Variants in LRRC45 observed in about 807,000 individuals in gnomAD.
The protein encoded by LRRC45 is leucine rich repeat containing 45.
Under a neutral mutation model 85.4 loss-of-function variants are expected in LRRC45, and 73 were observed. The ratio of observed to expected loss-of-function variants is 0.85; its 90% CI spans 0.71 to 1.04. LRRC45 has a LOEUF of 1.04. Among genes scored for constraint, LRRC45 ranks in the 50% least tolerant of loss-of-function variants. The pLI is 0.00. For missense variants in LRRC45, 937 were observed against 883.3 expected (o/e 1.06, Z -0.77); for synonymous variants, 429 against 386.0 (o/e 1.11, Z -1.31).
chr17:82,024,375 C>T (rs773811663), intron 2 of LRRC45, 36 bp downstream of exon 2: 2 of 1,609,276 alleles, frequency 1.2e-6, no homozygotes, highest in African/African-American at 2.7e-5. Context: ...CCGAGTGTGC[C>T]ACCCAAGGGC....
rs749733717 is a variant in LRRC45 at position 82,028,354 on chromosome 17, G to C, written c.1125+43G>C. 3.7e-6 allele frequency: 6 copies of C among 1,607,394 alleles called. No individual in the cohort carries two copies. In the East Asian group the frequency reaches 1.3e-4, roughly 36 times the overall value. On this transcript the variant is annotated intron_variant, in intron 10 of 16. Transcript: ENST00000306688. Reference sequence around the variant, plus strand: ...AGCCAGGGAGCCCAGGGTGGGCGCGGCAGGGCTGGGCTGCAGCTTCCCTCC... The same window carrying C: ...AGCCAGGGAGCCCAGGGTGGGCGCGCCAGGGCTGGGCTGCAGCTTCCCTCC...
In LRRC45 at chr17:82,029,723, T is replaced by G. The variant is rs556011878; in HGVS notation, c.1494+88T>G. ...GCAGACTCCAGAGCTTCGGTCTGAG[T>G]GGGGAGGCGGGAGTGTGGTGTTGAG... On this transcript the variant is annotated intron_variant, in intron 14 of 16. Transcript: ENST00000306688. 2.3e-6 allele frequency: 3 copies of G among 1,309,190 alleles called. No individual in the cohort carries two copies. The African/African-American group carries it at 4.4e-5, about 19-fold the overall frequency. 81.1% of individuals were successfully genotyped at this position (1,309,190 alleles called of 1,614,324 possible). A position where few individuals can be genotyped will look rare whatever the true frequency, so the allele number is the denominator to read the frequency against.
At chr17:82,029,947 G>A (rs2043402942) in intron 14 of LRRC45, 118 bp from the exon 15 acceptor site, 2 of 1,305,246 alleles carry the variant, frequency 1.5e-6, no homozygotes, top group Non-Finnish European at 2.0e-6. Context: ...CGGGTTCAGA[G>A]TCATAGTAAC....
At chr17:82,025,315 C>G (rs998524144) in intron 4 of LRRC45, 64 bp from the exon 5 acceptor site, 1 of 1,530,916 alleles carries the variant, frequency 6.5e-7, no homozygotes, top group South Asian at 1.3e-5. Flanking sequence ...GGGAAGCACC[C>G]CGGCCAGGCC....
Position 82,024,713 on chromosome 17 carries a change from AG to A in LRRC45, c.307del (p.Ala103ProfsTer64). The A allele has an allele frequency of 6.3e-7, 1 of 1,575,310 alleles. No homozygotes were observed. Among genetic ancestry groups the A allele is most frequent in the Non-Finnish European group, 8.6e-7 (1 of 1,164,474 alleles). Reference protein sequence around the residue: ...DLKGNNLRAAGAEALGKLLQQ... With the variant: ...DLKGNNLRAAXAEALGKLLQQ... Reference sequence around the variant, plus strand: ...CCTAGGGCAACAACCTTCGGGCTGCAGGGGCCGAGGCTCTGGGAAAACTCCT... The same window carrying A: ...CCTAGGGCAACAACCTTCGGGCTGCAGGGCCGAGGCTCTGGGAAAACTCCT... On this transcript the variant is annotated frameshift_variant, in exon 3 of 17. Coordinates refer to ENST00000306688, the MANE Select transcript of LRRC45 (RefSeq NM_144999.4). LOFTEE classifies it high-confidence loss of function.
intron 7 of LRRC45, 100 bp downstream of exon 7, chr17:82,027,544 G>C (rs2043379418): frequency 1.3e-6 from 2 of 1,552,108 alleles, no homozygotes; most frequent in Non-Finnish European, 1.8e-6. Context: ...AGGCCACGAG[G>C]AGGTCGCTGG....
In LRRC45 at chr17:82,029,586, A is replaced by G. The variant is rs1188690465; in HGVS notation, c.1445A>G (p.Gln482Arg). 20 of 1,581,020 alleles carry G rather than the reference A, an allele frequency of 1.3e-5. No individual in the cohort carries two copies. Among genetic ancestry groups the G allele is most frequent in the Non-Finnish European group, 1.6e-5 (19 of 1,165,064 alleles). ...VKAAALSERG[Q>R]AEEELIKAKS... ...GCAGCGGCACTCAGCGAGCGTGGCC[A>G]GGCTGAGGAGGAGCTGATCAAGGCC... The change falls in exon 14 of 17, where the codon CAG (glutamine) becomes CGG (arginine). Residue 482 changes from glutamine (Q) to arginine (R), a missense_variant. Coordinates refer to ENST00000306688, the MANE Select transcript of LRRC45 (RefSeq NM_144999.4).
Position 82,027,676 on chromosome 17 carries a change from C to T in LRRC45, c.836C>T (p.Ala279Val), listed in dbSNP as rs528261442. The T allele has an allele frequency of 2.0e-5, 32 of 1,609,872 alleles. No individual in the cohort carries two copies. The Middle Eastern group carries it at 5.0e-4, about 25-fold the overall frequency. ...TGCACCCTCCTCTCTGCCCACAGGG[C>T]GTCGGCAGCCCGTGTAGGGCAGCTT... ...QREEMAKSSR[A>V]SAARVGQLQE... The change falls in exon 8 of 17, where the codon GCG becomes GTG. Residue 279 changes from alanine (A) to valine (V), a missense_variant and splice_region_variant. By Grantham distance (64) the Ala-to-Val change is moderately conservative. Coordinates refer to ENST00000306688, the MANE Select transcript of LRRC45 (RefSeq NM_144999.4).
At chr17:82,029,326 A>G in intron 13 of LRRC45, 141 bp downstream of exon 13, 1 of 938,232 alleles carries the variant, frequency 1.1e-6, no homozygotes, top group Non-Finnish European at 1.6e-6. Context: ...GGACCCACCC[A>G]CCAGTGTGCC....
rs557872848 is a variant in LRRC45 at position 82,029,628 on chromosome 17, T to G, written c.1487T>G (p.Leu496Arg). 1 of 1,568,948 alleles carries G rather than the reference T, an allele frequency of 6.4e-7. No individual in the cohort carries two copies. Among genetic ancestry groups the G allele is most frequent in the South Asian group, 1.2e-5 (1 of 85,358 alleles). The change falls in exon 14 of 17, where the codon CTG becomes CGG. Residue 496 changes from leucine (L) to arginine (R), a missense_variant. Coordinates refer to ENST00000306688, the MANE Select transcript of LRRC45 (RefSeq NM_144999.4). ...ATCAAGGCCAAGAGCCAGGCCCGCC[T>G]GGAGGAGGTGAGCCACACATGTCCG... ...ELIKAKSQARLEEQQRLAHLE... is the reference protein window; with the variant it reads ...ELIKAKSQARREEQQRLAHLE...
chr17:82,024,174 A>G, intron 1 of LRRC45, 104 bp from the exon 2 acceptor site: 3 of 1,315,146 alleles, frequency 2.3e-6, no homozygotes, highest in Non-Finnish European at 3.2e-6. Flanking sequence ...CCATCGGGAC[A>G]GTTGTCCCTT....
rs1304944461 is a variant in LRRC45 at position 82,023,379 on chromosome 17, G to A, written c.-265G>A. The A allele has an allele frequency of 8.0e-6, 4 of 501,230 alleles. No homozygotes were observed. Among genetic ancestry groups the A allele is most frequent in the African/African-American group, 2.0e-5 (1 of 48,810 alleles). 31.0% of individuals were successfully genotyped at this position (501,230 alleles called of 1,614,324 possible). ...TCGGGGCTGCAGGCGGGGCAGGGCT[G>A]GGTGGGGGCGCGCGACGCACCTGCC... On this transcript the variant is annotated 5_prime_UTR_variant, in exon 1 of 17. Transcript: ENST00000306688.
At chr17:82,028,707 T>C (rs1176951067) in intron 12 of LRRC45, 24 bp downstream of exon 12, 4 of 1,599,072 alleles carry the variant, frequency 2.5e-6, no homozygotes, top group East Asian at 2.3e-5. Context: ...TGGCCTCTAA[T>C]GCGCCTCAGT....
chr17:82,030,221 C>G lies in LRRC45; in HGVS notation c.1651C>G (p.Leu551Val), dbSNP rs899654123. 6.5e-7 allele frequency: 1 copy of G among 1,535,462 alleles called. No individual in the cohort carries two copies. Among genetic ancestry groups the G allele is most frequent in the African/African-American group, 1.4e-5 (1 of 72,566 alleles). Residue 551 changes from leucine to valine, a missense_variant, in exon 15 of 17, where the codon CTG becomes GTG. Transcript: ENST00000306688. ...GCAAGTTGAGGGCCTGCGGCGGCGC[C>G]TGGAAGAGCTGCAGCAGGTAGGCGG... ...GLQVEGLRRRLEELQQELSLK... is the reference protein window; with the variant it reads ...GLQVEGLRRRVEELQQELSLK...
In LRRC45 at chr17:82,030,174, C is replaced by T. The variant is rs745631381; in HGVS notation, c.1604C>T (p.Thr535Ile). ...QQKQVVAEAQ[T>I]RVSQLGLQVE... ...AAGCAGGTGGTGGCCGAGGCCCAGA[C>T]CCGGGTCAGCCAGCTGGGCCTGCAA... Residue 535 changes from threonine (T) to isoleucine (I), a missense_variant, in exon 15 of 17, where the codon ACC becomes ATC. Physicochemically the swap from Thr to Ile is moderately conservative, Grantham distance 89 (BLOSUM62 -1). Coordinates refer to ENST00000306688, the MANE Select transcript of LRRC45 (RefSeq NM_144999.4). 1.9e-6 allele frequency: 3 copies of T among 1,544,708 alleles called. No homozygotes were observed. Among genetic ancestry groups the T allele is most frequent in the East Asian group, 4.9e-5 (2 of 40,816 alleles).
intron 2 of LRRC45, 92 bp from the exon 3 acceptor site, chr17:82,024,601 T>C (rs11659000): frequency 0.091 from 128,388 of 1,404,064 alleles, 6,612 homozygotes; most frequent in Non-Finnish European, 0.11. Context: ...ACCCCAGGCT[T>C]GTCCCCTGGC....
rs1052352990 is a variant in LRRC45, at chr17:82,027,054, G to A, written c.774+43G>A. 5 of 1,487,374 alleles carry A rather than the reference G, an allele frequency of 3.4e-6. No homozygotes were observed. In the Admixed American group the frequency reaches 5.8e-5, roughly 17 times the overall value. The allele number at this position is 1,487,374 out of a possible 1,614,324, so 92.1% of individuals were successfully genotyped here. A position where few individuals can be genotyped will look rare whatever the true frequency, so the allele number is the denominator to read the frequency against. ...ACTGACCTTGGAGCTGCTTATGGCT[G>A]GAGGGCCTGGCCACGTCCTTCCTCC... On this transcript the variant is annotated intron_variant, in intron 6 of 16. Transcript: ENST00000306688.
At chr17:82,027,844 C>T in intron 8 of LRRC45, 93 bp downstream of exon 8, 1 of 1,533,426 alleles carries the variant, frequency 6.5e-7, no homozygotes, top group South Asian at 1.2e-5. Flanking sequence ...GTTTGCAAAG[C>T]AGAGGTGGGA....
In LRRC45 at chr17:82,024,897, G is replaced by A. The variant is rs1009062075; in HGVS notation, c.354-103G>A. On this transcript the variant is annotated intron_variant, in intron 3 of 16. Coordinates refer to ENST00000306688, the MANE Select transcript of LRRC45 (RefSeq NM_144999.4). The stretch of plus-strand genomic sequence containing the variant: ...ACATACGTTGGCAGGGGTAGGCAGA[G>A]GCTCCGGCCCATCAGACCCCAAGCC... 9.0e-6 allele frequency: 13 copies of A among 1,441,398 alleles called. No individual in the cohort carries two copies. In the Admixed American group the frequency reaches 1.9e-4, roughly 22 times the overall value. The allele number at this position is 1,441,398 out of a possible 1,614,324, so 89.3% of individuals were successfully genotyped here. A position where few individuals can be genotyped will look rare whatever the true frequency, so the allele number is the denominator to read the frequency against.
Sources: allele counts gnomAD v4.1 joint callset, GRCh38; gene constraint gnomAD v4.1.1; transcripts MANE v1.5; gene names NCBI Gene and HGNC (gene_info 2026-07-23, HGNC 2026-07-21).